Variants in NOL6 observed in about 807,000 individuals in gnomAD.
NOL6 encodes the protein nucleolar RNA-associated protein.
A neutral mutation model predicts 131.7 loss-of-function variants in NOL6; 33 were observed. That is an observed-to-expected ratio of 0.25 (90% CI 0.19 to 0.33). The LOEUF (loss-of-function observed/expected upper bound fraction) is 0.33, where lower values mean the gene tolerates loss of function less well. NOL6 is among the 10% of genes least tolerant of loss of function. The pLI is 1.00. For missense variants in NOL6, 1,297 were observed against 1,494.5 expected (o/e 0.87, Z 2.18); for synonymous variants, 580 against 605.7 (o/e 0.96, Z 0.62).
Position 33,465,849 on chromosome 9 carries a change from T to C in NOL6, c.2413A>G (p.Ile805Val). The C allele has an allele frequency of 3.1e-6, 5 of 1,614,098 alleles. No homozygotes were observed. Among genetic ancestry groups the C allele is most frequent in the Non-Finnish European group, 4.2e-6 (5 of 1,179,984 alleles). Residue 805 changes from isoleucine (I) to valine (V), a missense_variant, in exon 19 of 26, where the codon ATC becomes GTC. Physicochemically the swap from Ile to Val is conservative, Grantham distance 29 (BLOSUM62 3). Transcript: ENST00000297990. ...TCTGGGCTCTGCACCTCCTTCAGGA[T>C]CTGGGGCTCCCGCTGATAGGCCACG... ...IRVAYQREPQ[I>V]LKEVQSPEGM...
chr9:33,463,975 G>A, intron 22 of NOL6, 55 bp from the exon 23 acceptor site: 1 of 1,613,272 alleles, frequency 6.2e-7, no homozygotes, highest in Non-Finnish European at 8.5e-7. Flanking sequence ...CCCAGGTCAG[G>A]CTGGGCCTGC....
At position 33,469,935 on chromosome 9, in the gene NOL6, G is replaced by A. The variant is rs140249289; in HGVS notation, c.558+77C>T. On this transcript the variant is annotated intron_variant, in intron 4 of 25. Transcript: ENST00000297990. ...TTCTGACTTCAATCCCCTGGCAAGC[G>A]GCAGATAAGAAAGAGGGATCCAGGA... 4.0e-4 allele frequency: 555 copies of A among 1,396,822 alleles called. 6 individuals are homozygous for A. The East Asian group carries it at 0.012, about 30-fold the overall frequency. 86.5% of individuals were successfully genotyped at this position (1,396,822 alleles called of 1,614,324 possible).
chr9:33,469,973 C>T, intron 4 of NOL6, 39 bp downstream of exon 4: 1 of 1,500,864 alleles, frequency 6.7e-7, no homozygotes, highest in Non-Finnish European at 8.9e-7. Context: ...TGTAGGTAGT[C>T]AGGTGGTGGG....
rs753290965 is a variant in NOL6, at chr9:33,463,321, T to C, written c.3115A>G (p.Ser1039Gly). The stretch of plus-strand genomic sequence containing the variant: ...ATCAGGGATGAGGGCCCCGGCTGGC[T>C]GAGCAGGCCCCGGCAGAAGGAGGCA... ...PAASFCRGLL[S>G]QPGPSSLMPV... Residue 1039 changes from serine to glycine, a missense_variant, in exon 24 of 26, where the codon AGC (serine) becomes GGC (glycine). Physicochemically the swap from Ser to Gly is moderately conservative, Grantham distance 56. Transcript: ENST00000297990. The C allele has an allele frequency of 5.6e-6, 9 of 1,613,956 alleles. No homozygotes were observed. Among genetic ancestry groups the C allele is most frequent in the African/African-American group, 4.0e-5 (3 of 74,922 alleles).
At chr9:33,469,959 G>C (rs41305327) in intron 4 of NOL6, 53 bp downstream of exon 4, 16,726 of 1,473,652 alleles carry the variant, frequency 0.011, 116 homozygotes, top group Non-Finnish European at 0.013. Flanking sequence ...AGGGATCCAG[G>C]ATTTGTAGGT....
Position 33,473,799 on chromosome 9 carries a change from C to G in NOL6, c.44G>C (p.Gly15Ala), listed in dbSNP as rs1169784620. 1 of 1,611,972 alleles carries G rather than the reference C, an allele frequency of 6.2e-7. No individual in the cohort carries two copies. Among genetic ancestry groups the G allele is most frequent in the Admixed American group, 1.7e-5 (1 of 60,036 alleles). The change falls in exon 1 of 26, where the codon GGA becomes GCA. Residue 15 changes from glycine (G) to alanine (A), a missense_variant. Transcript: ENST00000297990. ...PAGEQLRGATGEPEVMEPALE... is the reference protein window; with the variant it reads ...PAGEQLRGATAEPEVMEPALE... Reference sequence around the variant, plus strand: ...GATGGCTCAACCCACCTCTGGCTCTCCAGTCGCTCCGCGAAGCTGCTCTCC... The same window carrying G: ...GATGGCTCAACCCACCTCTGGCTCTGCAGTCGCTCCGCGAAGCTGCTCTCC...
chr9:33,473,682 C>T lies in NOL6; in HGVS notation c.54+107G>A, dbSNP rs1031602667. 4 of 1,327,552 alleles carry T rather than the reference C, an allele frequency of 3.0e-6. No homozygotes were observed. The East Asian group carries it at 9.6e-5, about 32-fold the overall frequency. 82.2% of individuals were successfully genotyped at this position (1,327,552 alleles called of 1,614,324 possible). A position where few individuals can be genotyped will look rare whatever the true frequency, so the allele number is the denominator to read the frequency against. ...GGCTGGAAACATCCTCCAGAATGGG[C>T]CGCCGGCATGGCTTTCACCCGCAAG... On this transcript the variant is annotated intron_variant, in intron 1 of 25. Coordinates refer to ENST00000297990, the MANE Select transcript of NOL6 (RefSeq NM_022917.5).
rs1394032164 is a variant in NOL6, at chr9:33,473,805, G to A, written c.38C>T (p.Ala13Val). 1 of 1,611,706 alleles carries A rather than the reference G, an allele frequency of 6.2e-7. No individual in the cohort carries two copies. The highest frequency in any genetic ancestry group is 1.1e-5 in the South Asian group (1 of 91,086). ...PAPAGEQLRG[A>V]TGEPEVMEPA... is the part of the protein sequence containing the mutation. ...TCAACCCACCTCTGGCTCTCCAGTC[G>A]CTCCGCGAAGCTGCTCTCCAGCTGG... The change falls in exon 1 of 26, where the codon GCG (alanine) becomes GTG (valine). Residue 13 changes from alanine to valine, a missense_variant. Ala to Val is a moderately conservative substitution (Grantham distance 64). Coordinates refer to ENST00000297990, the MANE Select transcript of NOL6 (RefSeq NM_022917.5).
At chr9:33,465,040 C>T (rs1827200951) in intron 20 of NOL6, 64 bp from the exon 21 acceptor site, 7 of 1,497,324 alleles carry the variant, frequency 4.7e-6, no homozygotes, top group Admixed American at 1.7e-5. Context: ...TTCTCTCAGG[C>T]TATGGAGCTC....
Position 33,464,034 on chromosome 9 carries a change from A to C in NOL6, c.2904+3T>G. The C allele has an allele frequency of 6.2e-7, 1 of 1,613,196 alleles. No homozygotes were observed. Among genetic ancestry groups the C allele is most frequent in the Non-Finnish European group, 8.5e-7 (1 of 1,179,392 alleles). ...ACATTAGGGGGCAGGTATGGGGTTG[A>C]ACCTGGGCTGAGGGTCCATCCTGTG... On this transcript the variant is annotated splice_donor_region_variant and intron_variant, in intron 22 of 25. Transcript: ENST00000297990.
At chr9:33,463,791 TCC>T in intron 23 of NOL6, 38 bp downstream of exon 23, 3 of 1,599,568 alleles carry the variant, frequency 1.9e-6, no homozygotes, top group Non-Finnish European at 2.6e-6. Context: ...AAAGACAGAA[TCC>T]CCAGAGGCCC....
chr9:33,469,672 A>G lies in NOL6; in HGVS notation c.559-5T>C. The G allele has an allele frequency of 6.2e-7, 1 of 1,604,432 alleles. No homozygotes were observed. The highest frequency in any genetic ancestry group is 1.1e-5 in the South Asian group (1 of 89,578). On this transcript the variant is annotated splice_polypyrimidine_tract_variant and splice_region_variant and intron_variant, in intron 4 of 25. Coordinates refer to ENST00000297990, the MANE Select transcript of NOL6 (RefSeq NM_022917.5). ...GTCCTTGTCCTGTAGGATTTCCTGG[A>G]GGGGCCAGGGGAGAAGAGAAGGCCA...
chr9:33,467,651 C>G lies in NOL6; in HGVS notation c.1602+40G>C, dbSNP rs376034790. On this transcript the variant is annotated intron_variant, in intron 12 of 25. Transcript: ENST00000297990. The surrounding 1 kb of genome is among the most constrained non-coding windows in gnomAD (Gnocchi z 4.4). ...GTGTCTCTTGGGACCCTGGATCCAG[C>G]CCAACTCAGACCCAAACTCCCCAAC... 3 of 1,545,362 alleles carry G rather than the reference C, an allele frequency of 1.9e-6. No individual in the cohort carries two copies. The African/African-American group carries it at 4.1e-5, about 21-fold the overall frequency.
At position 33,472,320 on chromosome 9, in the gene NOL6, G is replaced by A. The variant is rs1353488857; in HGVS notation, c.147C>T (p.Leu49=). ...CCCTGCTGAGCTTCACTGGCTGCAGGAGGCCCTTCGCTGGAGGTTCAGCCA... is the reference window on the plus strand; with the variant it reads ...CCCTGCTGAGCTTCACTGGCTGCAGAAGGCCCTTCGCTGGAGGTTCAGCCA... The part of the protein sequence containing the change: ...RTLAEPPAKG[L]LQPVKLSRAE... The change falls in exon 2 of 26, where the codon CTC becomes CTT. Residue 49 remains leucine, a synonymous_variant. Transcript: ENST00000297990. 5 of 1,614,200 alleles carry A rather than the reference G, an allele frequency of 3.1e-6. No homozygotes were observed. Among genetic ancestry groups the A allele is most frequent in the Non-Finnish European group, 4.2e-6 (5 of 1,180,030 alleles).
At position 33,462,090 on chromosome 9, in the gene NOL6, T is replaced by G. The variant is rs889887487; in HGVS notation, c.*574A>C. 63 of 714,310 alleles carry G rather than the reference T, an allele frequency of 8.8e-5. No individual in the cohort carries two copies. Among genetic ancestry groups the G allele is most frequent in the Admixed American group, 8.0e-4 (40 of 49,914 alleles). The allele number at this position is 714,310 out of a possible 1,614,324, so 44.2% of individuals were successfully genotyped here. A position where few individuals can be genotyped will look rare whatever the true frequency, so the allele number is the denominator to read the frequency against. ...TTTCCACTGTCTCCACCCTGGGAAGTGGCATCAACACAGGAGGGCATTGTG... is the reference window on the plus strand; with the variant it reads ...TTTCCACTGTCTCCACCCTGGGAAGGGGCATCAACACAGGAGGGCATTGTG... On this transcript the variant is annotated 3_prime_UTR_variant, in exon 26 of 26. Coordinates refer to ENST00000297990, the MANE Select transcript of NOL6 (RefSeq NM_022917.5).
intron 4 of NOL6, 166 bp downstream of exon 4, chr9:33,469,846 A>G: frequency 9.8e-7 from 1 of 1,015,548 alleles, no homozygotes; most frequent in East Asian, 2.7e-5. Context: ...AAGGACAGCA[A>G]CTGGCCCGAG....
rs746807630 is a variant in NOL6 at position 33,472,383 on chromosome 9, G to T, written c.84C>A (p.Gly28=). Reference sequence around the variant, plus strand: ...TGGAGGATGCTTTCTTCCCCTCTTTGCCTGTGCCTTCCAGGGCTGGTTCCA... The same window carrying T: ...TGGAGGATGCTTTCTTCCCCTCTTTTCCTGTGCCTTCCAGGGCTGGTTCCA... ...EVMEPALEGT[G]KEGKKASSRK... Residue 28 remains glycine (G), a synonymous_variant, in exon 2 of 26, where the codon GGC becomes GGA. Transcript: ENST00000297990. 6.2e-7 allele frequency: 1 copy of T among 1,614,048 alleles called. No homozygotes were observed. The highest frequency in any genetic ancestry group is 2.2e-5 in the East Asian group (1 of 44,890).
Position 33,472,968 on chromosome 9 carries a change from CAAAAAAAAAA to C in NOL6, c.55-566_55-557del, listed in dbSNP as rs398040337. 1.4e-4 allele frequency among the ~76,000 whole-genome samples: 10 copies of C among 70,948 alleles called. No homozygotes were observed. The South Asian group carries it at 4.5e-3, about 32-fold the overall frequency. 46.5% of individuals were successfully genotyped at this position (70,948 alleles called of 152,430 possible). On this transcript the variant is annotated intron_variant, in intron 1 of 25. Coordinates refer to ENST00000297990, the MANE Select transcript of NOL6 (RefSeq NM_022917.5). ...AGCCTGGGCAACAGAGCAAGACTGTCAAAAAAAAAAAAAAAAAAAAGAAGCTGACTGAGCC... is the reference window on the plus strand; with the variant it reads ...AGCCTGGGCAACAGAGCAAGACTGTCAAAAAAAAAAGAAGCTGACTGAGCC...
In NOL6 at chr9:33,467,656, C is replaced by T; in HGVS notation, c.1602+35G>A. 1 of 1,546,074 alleles carries T rather than the reference C, an allele frequency of 6.5e-7. No individual in the cohort carries two copies. The highest frequency in any genetic ancestry group is 8.7e-7 in the Non-Finnish European group (1 of 1,145,732). On this transcript the variant is annotated intron_variant, in intron 12 of 25. Coordinates refer to ENST00000297990, the MANE Select transcript of NOL6 (RefSeq NM_022917.5). The surrounding 1 kb of genome is among the most constrained non-coding windows in gnomAD (Gnocchi z 4.4). ...TCTTGGGACCCTGGATCCAGCCCAACTCAGACCCAAACTCCCCAACCTACA... is the reference window on the plus strand; with the variant it reads ...TCTTGGGACCCTGGATCCAGCCCAATTCAGACCCAAACTCCCCAACCTACA...
Sources: allele counts gnomAD v4.1 joint callset (sites outside exome capture counted in the v4.1 genomes callset), GRCh38; gene constraint gnomAD v4.1.1; non-coding constraint Gnocchi (gnomAD v3.1); transcripts MANE v1.5; gene names NCBI Gene and HGNC (gene_info 2026-07-23, HGNC 2026-07-21).